Variants in RARS2 observed in about 807,000 individuals in gnomAD.
RARS2 encodes the protein arginyl-tRNA synthetase 2, mitochondrial.
Under a neutral mutation model 88.5 loss-of-function variants are expected in RARS2, and 67 were observed. The observed-to-expected ratio is 0.76, with a 90% CI of 0.62 to 0.93. The LOEUF is 0.93. Among genes scored for constraint, RARS2 ranks in the 40% least tolerant of loss-of-function variants. The probability of loss-of-function intolerance (pLI) is 0.00; values close to 1 mark genes in which losing one functional copy is unlikely to be tolerated. For missense variants in RARS2, 664 were observed against 684.2 expected, an observed-to-expected ratio of 0.97 and a Z score of 0.33; for synonymous variants, 239 against 230.3, an observed-to-expected ratio of 1.04 and a Z score of -0.34.
chr6:87,540,932 C>T (rs907980569), intron 8 of RARS2, among the ~76,000 whole-genome samples: 13 of 151,682 alleles, frequency 8.6e-5, no homozygotes, highest in Non-Finnish European at 1.8e-4. Flanking sequence ...ACATGCTGTC[C>T]CCCACACCAG....
intron 1 of RARS2, among the ~76,000 whole-genome samples, chr6:87,582,836 C>T (rs77485367): frequency 2.6e-5 from 4 of 152,110 alleles, no homozygotes; most frequent in South Asian, 2.1e-4. Context: ...TCAAGAAAGC[C>T]GGTCTTCCTG....
In RARS2 at chr6:87,530,836, A is replaced by C. The variant is rs1212355767; in HGVS notation, c.719T>G (p.Leu240Arg). 6.2e-7 allele frequency: 1 copy of C among 1,614,210 alleles called. No individual in the cohort carries two copies. The part of the protein sequence containing the change: ...LELGDVQALS[L>R]WQKFRDLSIE... Reference sequence around the variant, plus strand: ...GCTCAAGTCCCGAAATTTTTGCCACAGTGAAAGTGCTTGCACATCGCCCAG... The same window carrying C: ...GCTCAAGTCCCGAAATTTTTGCCACCGTGAAAGTGCTTGCACATCGCCCAG... The change falls in exon 9 of 20, where the codon CTG becomes CGG. Residue 240 changes from leucine to arginine, a missense_variant. Coordinates refer to ENST00000369536, the MANE Select transcript of RARS2 (RefSeq NM_020320.5).
chr6:87,563,549 GTATGTTAA>G (rs1451297599), intron 3 of RARS2, among the ~76,000 whole-genome samples: 3 of 152,260 alleles, frequency 2.0e-5, no homozygotes, highest in African/African-American at 7.2e-5. Flanking sequence ...CTCTGTGGAT[GTATGTTAA>G]TAACCTTGTC....
At chr6:87,582,773 T>C (rs1280675981) in intron 1 of RARS2, among the ~76,000 whole-genome samples, 2 of 152,244 alleles carry the variant, frequency 1.3e-5, no homozygotes, top group African/African-American at 4.8e-5. Flanking sequence ...ACAACTAGTT[T>C]AATTGCTTCT....
At chr6:87,570,465 C>T (rs146624500) in intron 1 of RARS2, among the ~76,000 whole-genome samples, 193 of 152,314 alleles carry the variant, frequency 1.3e-3, no homozygotes, top group African/African-American at 3.9e-3. Flanking sequence ...GTCACCCAGG[C>T]TGGAGTACAG....
chr6:87,529,424 A>C (rs1776738770), intron 10 of RARS2, 118 bp downstream of exon 10: 2 of 740,984 alleles, frequency 2.7e-6, no homozygotes, highest in African/African-American at 1.7e-5. Flanking sequence ...AGGAAAAAGC[A>C]CTATAAAAAA....
intron 11 of RARS2, 120 bp from the exon 12 acceptor site, chr6:87,521,644 G>C (rs1773892317): frequency 1.4e-6 from 1 of 739,844 alleles, no homozygotes; most frequent in African/African-American, 1.7e-5. Context: ...CACAGCCTGA[G>C]GAATTCCACC....
chr6:87,572,902 C>T (rs1320464383), intron 1 of RARS2, among the ~76,000 whole-genome samples: 3 of 152,044 alleles, frequency 2.0e-5, no homozygotes, highest in African/African-American at 7.2e-5. Context: ...GCATGTTTTA[C>T]ACCTAGTAAT....
chr6:87,556,641 A>T (rs1437431506), intron 4 of RARS2, among the ~76,000 whole-genome samples: 1 of 151,652 alleles, frequency 6.6e-6, no homozygotes. Flanking sequence ...TTTAAAAAAA[A>T]ATTAACCAGA....
chr6:87,516,700 A>T, intron 18 of RARS2, 106 bp downstream of exon 18: 1 of 1,491,120 alleles, frequency 6.7e-7, no homozygotes, highest in East Asian at 2.5e-5. Context: ...CTGTAACTAA[A>T]AGCACATCAA....
intron 14 of RARS2, 47 bp from the exon 15 acceptor site, chr6:87,518,938 C>A: frequency 6.4e-7 from 1 of 1,571,526 alleles, no homozygotes; most frequent in South Asian, 1.1e-5. Flanking sequence ...GACACTGTGC[C>A]AATCATGGAT....
intron 2 of RARS2, among the ~76,000 whole-genome samples, chr6:87,565,996 T>C (rs991297601): frequency 1.3e-5 from 2 of 152,210 alleles, no homozygotes; most frequent in African/African-American, 4.8e-5. Flanking sequence ...TGAGCCTTAA[T>C]ACATCATCCA....
At chr6:87,533,096 AGTTT>A (rs1273796127) in intron 8 of RARS2, among the ~76,000 whole-genome samples, 1 of 152,148 alleles carries the variant, frequency 6.6e-6, no homozygotes, top group Non-Finnish European at 1.5e-5. Context: ...AAAAGAGTTT[AGTTT>A]CTTTTTTTTT....
chr6:87,574,591 G>A (rs78086984), intron 1 of RARS2, among the ~76,000 whole-genome samples: 210 of 152,266 alleles, frequency 1.4e-3, no homozygotes, highest in African/African-American at 4.2e-3. Context: ...AGAATAGGGA[G>A]GGAGGCACAG....
intron 7 of RARS2, among the ~76,000 whole-genome samples, chr6:87,542,500 G>A (rs1472368080): frequency 2.0e-5 from 3 of 152,110 alleles, no homozygotes; most frequent in Admixed American, 2.0e-4. Flanking sequence ...AACAAAATTG[G>A]AGGAAAACAG....
At position 87,560,512 on chromosome 6, in the gene RARS2, T is replaced by C. The variant is rs548892228; in HGVS notation, c.297+2190A>G. ...GTGACAGTTCTTTGCAATGTCATTA[T>C]GGTTATTTCTCAAACAAAGATATAT... On this transcript the variant is annotated intron_variant, in intron 4 of 19. Coordinates refer to ENST00000369536, the MANE Select transcript of RARS2 (RefSeq NM_020320.5). Among the ~76,000 whole-genome samples the C allele has an allele frequency of 4.6e-5, 7 of 152,368 alleles. No individual in the cohort carries two copies. The South Asian group carries it at 6.2e-4, about 14-fold the overall frequency.
chr6:87,534,366 CT>C (rs762024286), intron 8 of RARS2, among the ~76,000 whole-genome samples: 1 of 152,134 alleles, frequency 6.6e-6, no homozygotes, highest in South Asian at 2.1e-4. Flanking sequence ...GAATCTCCTA[CT>C]TTTACTCTAT....
intron 17 of RARS2, 136 bp downstream of exon 17, chr6:87,518,031 CTT>C: frequency 6.5e-7 from 1 of 1,533,310 alleles, no homozygotes; most frequent in East Asian, 2.3e-5. Context: ...CAAATAATCA[CTT>C]TTTAAGGCAT....
At position 87,524,628 on chromosome 6, in the gene RARS2, G is replaced by A; in HGVS notation, c.903C>T (p.Leu301=). 1 of 1,612,808 alleles carries A rather than the reference G, an allele frequency of 6.2e-7. No homozygotes were observed. ...KTIKGTAVVD[L]SGNGDPSSIC... ...TTGAGGAGGGGTCGCCATTCCCAGA[G>A]AGATCTACTACAGCCGTTCCTTTTC... Residue 301 remains leucine, a synonymous_variant, in exon 11 of 20, where the codon CTC becomes CTT. Coordinates refer to ENST00000369536, the MANE Select transcript of RARS2 (RefSeq NM_020320.5).
Sources: gnomAD v4.1 joint callset for allele counts (sites outside exome capture counted in the v4.1 genomes callset) on GRCh38, gnomAD v4.1.1 for gene constraint, MANE v1.5 for transcripts, NCBI Gene and HGNC (gene_info 2026-07-23, HGNC 2026-07-21) for gene names.